ARID1B: variants seen among roughly 807,000 people sequenced by gnomAD.
ARID1B encodes AT-rich interactive domain-containing protein 1B.
ARID1B carries 30 observed loss-of-function variants against 212.3 expected under a neutral mutation model. The observed-to-expected ratio is 0.14, with a 90% confidence interval of 0.11 to 0.19. The LOEUF (loss-of-function observed/expected upper bound fraction) is 0.19, where lower values mean the gene tolerates loss of function less well. ARID1B is among the 10% of genes least tolerant of loss of function. The pLI, the probability that ARID1B is intolerant of heterozygous loss-of-function variation, is 1.00. For missense variants in ARID1B, 2,891 were observed against 3,204.0 expected, an observed-to-expected ratio of 0.90 and a Z score of 2.36; for synonymous variants, 1,402 against 1,301.7, an observed-to-expected ratio of 1.08 and a Z score of -1.66.
At chr6:156,931,444 C>A (rs984958046) in intron 3 of ARID1B, among the ~76,000 whole-genome samples, 1 of 152,090 alleles carries the variant, frequency 6.6e-6, no homozygotes, top group South Asian at 2.1e-4. Context: ...GTGTTTTCCT[C>A]CTGGTCATGT....
At chr6:157,010,290 T>TG (rs1779503228) in intron 4 of ARID1B, among the ~76,000 whole-genome samples, 1 of 135,766 alleles carries the variant, frequency 7.4e-6, no homozygotes, top group African/African-American at 2.7e-5. Context: ...TTTTTTTTTT[T>TG]TTTTTTTTTT....
intron 4 of ARID1B, among the ~76,000 whole-genome samples, chr6:156,996,830 C>T (rs1778618110): frequency 6.6e-6 from 1 of 152,116 alleles, no homozygotes; most frequent in South Asian, 2.1e-4. Flanking sequence ...AAATCAGCAG[C>T]CTGACTGATT....
At chr6:157,205,562 A>G (rs1267630727) in intron 19 of ARID1B, 2 of 152,232 alleles carry the variant, frequency 1.3e-5, no homozygotes, top group East Asian at 1.9e-4. Context: ...TATTTATCAT[A>G]GGCTAAATTG....
Position 157,078,314 on chromosome 6 carries a change from G to C in ARID1B, c.2248-6348G>C, listed in dbSNP as rs548886671. 1.9e-4 allele frequency among the ~76,000 whole-genome samples: 29 copies of C among 152,238 alleles called. No individual in the cohort carries two copies. In the East Asian group the frequency reaches 4.2e-3, roughly 22 times the overall value. On this transcript the variant is annotated intron_variant, in intron 4 of 19. Coordinates refer to ENST00000636930, the MANE Select transcript of ARID1B (RefSeq NM_001374828.1). ...TGAGCATTTCTGAGGCTGGTCCTGG[G>C]AGTCTAACCAAGAAGGGAAACGTTA...
intron 1 of ARID1B, among the ~76,000 whole-genome samples, chr6:156,783,651 T>C (rs1339196648): frequency 6.6e-6 from 1 of 152,220 alleles, no homozygotes; most frequent in Non-Finnish European, 1.5e-5. Context: ...AACCCTACCC[T>C]TTCCTAGGAG....
chr6:156,905,254 A>G (rs879746808), intron 3 of ARID1B, among the ~76,000 whole-genome samples: 81 of 146,888 alleles, frequency 5.5e-4, no homozygotes, highest in African/African-American at 1.6e-3. Context: ...ATGCACGCAC[A>G]CACACACACA....
chr6:157,171,314 T>C (rs1791702794), intron 9 of ARID1B, among the ~76,000 whole-genome samples: 1 of 152,226 alleles, frequency 6.6e-6, no homozygotes, highest in Non-Finnish European at 1.5e-5. Context: ...ACTGCCCCTT[T>C]TTATGTCTGA....
chr6:156,894,144 A>T (rs1277673319), intron 2 of ARID1B, among the ~76,000 whole-genome samples: 1 of 152,194 alleles, frequency 6.6e-6, no homozygotes, highest in African/African-American at 2.4e-5. Flanking sequence ...AACCTTGAAT[A>T]CGTTATGCTA....
chr6:157,190,031 T>C lies in ARID1B; in HGVS notation c.4059-7T>C. The C allele has an allele frequency of 2.5e-6, 4 of 1,612,794 alleles. No individual in the cohort carries two copies. The highest frequency in any genetic ancestry group is 3.4e-6 in the Non-Finnish European group (4 of 1,179,376). On this transcript the variant is annotated splice_polypyrimidine_tract_variant and splice_region_variant and intron_variant, in intron 14 of 19. Coordinates refer to ENST00000636930, the MANE Select transcript of ARID1B (RefSeq NM_001374828.1). The surrounding 1 kb of genome is among the most constrained non-coding windows in gnomAD (Gnocchi z 4.6). ...TCATTAAGCTTTCATTCTTTGCCTC[T>C]CTTCAGAAGCAGTACAATCAGTGTG...
At chr6:157,083,950 A>G (rs1471586412) in intron 4 of ARID1B, among the ~76,000 whole-genome samples, 2 of 152,076 alleles carry the variant, frequency 1.3e-5, no homozygotes, top group South Asian at 2.1e-4. Context: ...CCTGGCCAAC[A>G]TGGTGAAACC....
intron 2 of ARID1B, among the ~76,000 whole-genome samples, chr6:156,838,854 T>C (rs1783698402): frequency 6.6e-6 from 1 of 152,154 alleles, no homozygotes; most frequent in Non-Finnish European, 1.5e-5. Context: ...CTATGGGATC[T>C]GTGACCTCAG....
At position 157,031,125 on chromosome 6, in the gene ARID1B, A is replaced by G. The variant is rs151256376; in HGVS notation, c.2248-53537A>G. 3.0e-3 allele frequency among the ~76,000 whole-genome samples: 458 copies of G among 152,304 alleles called. 4 individuals are homozygous for G. The highest frequency in any genetic ancestry group is 0.01 in the African/African-American group (436 of 41,560). ...AAAATCCCAAAAAGTTAATAAAATA[A>G]TAATAAAGAAAAACACGGAACAACT... On this transcript the variant is annotated intron_variant, in intron 4 of 19. Coordinates refer to ENST00000636930, the MANE Select transcript of ARID1B (RefSeq NM_001374828.1).
intron 5 of ARID1B, among the ~76,000 whole-genome samples, chr6:157,093,111 GGGGTACAA>G: frequency 6.6e-6 from 1 of 152,242 alleles, no homozygotes; most frequent in Middle Eastern, 3.4e-3. Context: ...TCAGAATGGA[GGGGTACAA>G]AAGCTTTTAT....
chr6:157,018,368 A>T (rs1258929051), intron 4 of ARID1B, among the ~76,000 whole-genome samples: 1 of 152,012 alleles, frequency 6.6e-6, no homozygotes, highest in East Asian at 1.9e-4. Context: ...GGCATGTGCC[A>T]CTACACCCAG....
intron 2 of ARID1B, among the ~76,000 whole-genome samples, chr6:156,831,980 T>C (rs2128054964): frequency 6.6e-6 from 1 of 152,386 alleles, no homozygotes. Flanking sequence ...TTTTACCTTT[T>C]CATTTAGTTA....
Position 157,039,690 on chromosome 6 carries a change from CTTCCTTCT to C in ARID1B, c.2248-44968_2248-44961del, listed in dbSNP as rs1293258525. Among the ~76,000 whole-genome samples the C allele has an allele frequency of 3.9e-3, 265 of 68,780 alleles. 3 individuals are homozygous for C. The highest frequency in any genetic ancestry group is 0.018 in the South Asian group (44 of 2,510). 45.1% of individuals were successfully genotyped at this position (68,780 alleles called of 152,430 possible). On this transcript the variant is annotated intron_variant, in intron 4 of 19. Coordinates refer to ENST00000636930, the MANE Select transcript of ARID1B (RefSeq NM_001374828.1). Reference sequence around the variant, plus strand: ...CCTTCCTTCCTTCCTTCCTTCCTTCCTTCCTTCTTTCTTTCCTTTCTTTCCTTCCTTTC... The same window carrying C: ...CCTTCCTTCCTTCCTTCCTTCCTTCCTTCTTTCCTTTCTTTCCTTCCTTTC...
At chr6:157,082,433 A>G (rs1053182981) in intron 4 of ARID1B, among the ~76,000 whole-genome samples, 1 of 152,244 alleles carries the variant, frequency 6.6e-6, no homozygotes, top group Non-Finnish European at 1.5e-5. Flanking sequence ...CTGAATATGT[A>G]CAAAACCATG....
At chr6:156,933,078 G>A (rs1411577) in intron 3 of ARID1B, among the ~76,000 whole-genome samples, 8,919 of 152,174 alleles carry the variant, frequency 0.059, 526 homozygotes, top group East Asian at 0.31. Flanking sequence ...TTAGGGGGAC[G>A]ATGTCTAAAT....
chr6:156,801,544 A>G (rs908512932), intron 1 of ARID1B, among the ~76,000 whole-genome samples: 1 of 152,148 alleles, frequency 6.6e-6, no homozygotes, highest in East Asian at 1.9e-4. Flanking sequence ...AATGTATTGC[A>G]GTTATCTAAA....
Sources: gnomAD v4.1 joint callset for allele counts (sites outside exome capture counted in the v4.1 genomes callset) on GRCh38, gnomAD v4.1.1 for gene constraint, Gnocchi (gnomAD v3.1) non-coding constraint, MANE v1.5 for transcripts, NCBI Gene and HGNC (gene_info 2026-07-23, HGNC 2026-07-21) for gene names.